Variants in UNC13B observed in about 807,000 individuals in gnomAD.
The protein encoded by UNC13B is protein unc-13 homolog B.
UNC13B carries 144 observed loss-of-function variants against 211.0 expected under a neutral mutation model. That is an observed-to-expected ratio of 0.68 (90% CI 0.60 to 0.78). The LOEUF (loss-of-function observed/expected upper bound fraction) is 0.78, where lower values mean the gene tolerates loss of function less well. Ranked by LOEUF, UNC13B falls within the 30% of genes least tolerant of loss-of-function variation. The pLI is 0.00. For missense variants in UNC13B, 1,777 were observed against 2,002.0 expected (o/e 0.89, Z 2.14); for synonymous variants, 709 against 725.8 (o/e 0.98, Z 0.37).
chr9:35,345,584 A>T (rs1257045169), intron 11 of UNC13B, among the ~76,000 whole-genome samples: 35 of 152,226 alleles, frequency 2.3e-4, no homozygotes, highest in Non-Finnish European at 1.5e-5. Context: ...AAACTGGACT[A>T]AATGAGCCAA....
chr9:35,184,465 C>T (rs1451325587), intron 1 of UNC13B, among the ~76,000 whole-genome samples: 2 of 152,138 alleles, frequency 1.3e-5, no homozygotes, highest in African/African-American at 4.8e-5. Context: ...CCCAGCACCC[C>T]GGGAGGCCGA....
intron 37 of UNC13B, among the ~76,000 whole-genome samples, chr9:35,402,448 A>C (rs1413868057): frequency 1.3e-5 from 2 of 151,390 alleles, no homozygotes; most frequent in Admixed American, 1.3e-4. Flanking sequence ...CTGCCAGCTA[A>C]TTTTTTTGTA....
intron 7 of UNC13B, among the ~76,000 whole-genome samples, chr9:35,286,641 C>A (rs998045561): frequency 6.6e-6 from 1 of 152,040 alleles, no homozygotes; most frequent in Non-Finnish European, 1.5e-5. Context: ...AGTAGGATGA[C>A]TCCAGAAGCT....
At position 35,364,543 on chromosome 9, in the gene UNC13B, A is replaced by T. The variant is rs1253273787; in HGVS notation, c.9415-2404A>T. The stretch of plus-strand genomic sequence containing the variant: ...TTTTTTCTGCTCTTTCTCTCCTTGC[A>T]GAAGAAAAGCGAGGAGCCCTTCAGG... On this transcript the variant is annotated intron_variant, in intron 11 of 39. Coordinates refer to ENST00000635942, the MANE Select transcript of UNC13B (RefSeq NM_001371189.2). The T allele has an allele frequency of 2.6e-6, 4 of 1,535,984 alleles. No homozygotes were observed. The East Asian group carries it at 7.3e-5, about 28-fold the overall frequency.
At chr9:35,344,596 C>A (rs7022446) in intron 11 of UNC13B, among the ~76,000 whole-genome samples, 1 of 152,024 alleles carries the variant, frequency 6.6e-6, no homozygotes, top group Non-Finnish European at 1.5e-5. Flanking sequence ...AGTTCACACC[C>A]GCTGCGGATC....
chr9:35,308,998 TG>T (rs1474700072), intron 9 of UNC13B, among the ~76,000 whole-genome samples: 2 of 152,236 alleles, frequency 1.3e-5, no homozygotes, highest in African/African-American at 4.8e-5. Flanking sequence ...GTATCATCTC[TG>T]CCTTTTACTA....
intron 1 of UNC13B, among the ~76,000 whole-genome samples, chr9:35,202,635 G>T (rs1280356644): frequency 6.6e-6 from 1 of 151,888 alleles, no homozygotes; most frequent in East Asian, 1.9e-4. Flanking sequence ...ATCTTTGTTG[G>T]TTTAAAGTCT....
intron 7 of UNC13B, among the ~76,000 whole-genome samples, chr9:35,285,208 T>C (rs980007451): frequency 2.6e-5 from 4 of 152,204 alleles, no homozygotes; most frequent in Admixed American, 6.5e-5. Flanking sequence ...TGGGTCTGGC[T>C]GCCTTCTTCC....
At chr9:35,221,218 G>A (rs1284995904) in intron 1 of UNC13B, among the ~76,000 whole-genome samples, 5 of 152,076 alleles carry the variant, frequency 3.3e-5, no homozygotes, top group African/African-American at 1.2e-4. Flanking sequence ...ACAGGTGCAT[G>A]CCACTATACC....
chr9:35,396,272 C>G (rs1199633107), intron 26 of UNC13B, among the ~76,000 whole-genome samples: 3 of 152,158 alleles, frequency 2.0e-5, no homozygotes, highest in Non-Finnish European at 4.4e-5. Context: ...CTTAGTCTTT[C>G]TAGAGGAAGA....
chr9:35,351,677 T>C, intron 11 of UNC13B: 1 of 1,232,224 alleles, frequency 8.1e-7, no homozygotes, highest in Non-Finnish European at 1.0e-6. Context: ...AGAGGACAAC[T>C]CCCTGCCCCC....
intron 7 of UNC13B, among the ~76,000 whole-genome samples, chr9:35,293,797 G>GGA (rs1829213363): frequency 1.3e-5 from 2 of 152,064 alleles, no homozygotes; most frequent in Non-Finnish European, 2.9e-5. Flanking sequence ...CTCCTGCCCT[G>GGA]GTCAGTGGAC....
chr9:35,367,452 TC>T (rs1227836682), intron 12 of UNC13B, among the ~76,000 whole-genome samples: 1 of 152,216 alleles, frequency 6.6e-6, no homozygotes, highest in Non-Finnish European at 1.5e-5. Context: ...AATACTCACA[TC>T]AGGGTAAATG....
intron 24 of UNC13B, among the ~76,000 whole-genome samples, chr9:35,388,298 CT>C (rs1466617886): frequency 6.6e-6 from 1 of 152,036 alleles, no homozygotes; most frequent in East Asian, 1.9e-4. Flanking sequence ...ATCCCAGCTA[CT>C]TGGGAAGTTG....
intron 5 of UNC13B, among the ~76,000 whole-genome samples, chr9:35,240,384 G>C (rs182042296): frequency 6.6e-6 from 1 of 152,218 alleles, no homozygotes; most frequent in Admixed American, 6.5e-5. Context: ...ATCCTATGGT[G>C]ATTTAAGCAA....
At chr9:35,364,409 G>C (rs889538536) in intron 11 of UNC13B, 1 of 858,654 alleles carries the variant, frequency 1.2e-6, no homozygotes, top group Non-Finnish European at 1.8e-6. Context: ...TCTATGAACT[G>C]CCTAGTTGTC....
chr9:35,367,092 G>A, intron 12 of UNC13B, 99 bp downstream of exon 12: 2 of 1,216,748 alleles, frequency 1.6e-6, no homozygotes, highest in Non-Finnish European at 2.4e-6. Flanking sequence ...TTCATAAGCT[G>A]CATCCTGGGG....
chr9:35,270,359 GTGTA>G (rs1209836274), intron 7 of UNC13B, among the ~76,000 whole-genome samples: 3 of 124,982 alleles, frequency 2.4e-5, no homozygotes, highest in Non-Finnish European at 5.4e-5. Flanking sequence ...GTGTGTGTGT[GTGTA>G]TGTATGTGTT....
chr9:35,256,144 T>A (rs1285921227), intron 6 of UNC13B, among the ~76,000 whole-genome samples: 1 of 152,236 alleles, frequency 6.6e-6, no homozygotes, highest in African/African-American at 2.4e-5. Flanking sequence ...CTAAAGAGTA[T>A]TTTTTATTTA....
Sources: gnomAD v4.1 joint callset for allele counts (sites outside exome capture counted in the v4.1 genomes callset) on GRCh38, gnomAD v4.1.1 for gene constraint, MANE v1.5 for transcripts, NCBI Gene and HGNC (gene_info 2026-07-23, HGNC 2026-07-21) for gene names.